The following SUMF1 variants were observed in gnomAD, a reference collection of about 807,000 sequenced individuals.
SUMF1 encodes the protein sulfatase modifying factor 1.
In SUMF1, 48 loss-of-function variants were observed where a neutral mutation model predicts 47.6. That is an observed-to-expected ratio of 1.01 (90% CI 0.80 to 1.28). SUMF1 has a LOEUF of 1.28. Among genes scored for constraint, SUMF1 ranks in the 50% most tolerant of loss-of-function variants. The pLI is 0.00. For synonymous variants in SUMF1, 230 were observed against 192.1 expected, an observed-to-expected ratio of 1.20 and a Z score of -1.63; for missense variants, 571 against 485.4, an observed-to-expected ratio of 1.18 and a Z score of -1.66.
At chr3:4,420,011 G>T (rs1701838352) in intron 4 of SUMF1, 53 bp downstream of exon 4, 2 of 1,453,444 alleles carry the variant, frequency 1.4e-6, no homozygotes, top group Non-Finnish European at 1.9e-6. Flanking sequence ...AGAGCAAAGG[G>T]TACCTATTTT....
intron 8 of SUMF1, among the ~76,000 whole-genome samples, chr3:4,179,230 C>T (rs1303989325): frequency 1.3e-5 from 2 of 152,136 alleles, no homozygotes; most frequent in Non-Finnish European, 2.9e-5. Flanking sequence ...ATTGCCAAGA[C>T]AAGCCTAAGC....
At chr3:4,388,319 C>G (rs1575163233) in intron 7 of SUMF1, among the ~76,000 whole-genome samples, 1 of 152,046 alleles carries the variant, frequency 6.6e-6, no homozygotes, top group South Asian at 2.1e-4. Flanking sequence ...ATACGTTCTT[C>G]CTCAACTCTG....
chr3:4,399,433 T>C (rs192569354), intron 7 of SUMF1, among the ~76,000 whole-genome samples: 2 of 152,308 alleles, frequency 1.3e-5, no homozygotes, highest in African/African-American at 4.8e-5. Flanking sequence ...GGGAAAACTC[T>C]TTATGAACAT....
At chr3:4,344,392 G>A (rs904594260) in intron 8 of SUMF1, among the ~76,000 whole-genome samples, 2 of 152,062 alleles carry the variant, frequency 1.3e-5, no homozygotes, top group Admixed American at 6.6e-5. Context: ...CAAATCAGAC[G>A]AATAAGGCCT....
At chr3:4,456,822 G>GTATATATACGTGTA (rs1575248753) in intron 1 of SUMF1, among the ~76,000 whole-genome samples, 1 of 9,898 alleles carries the variant, frequency 1.0e-4, no homozygotes, top group East Asian at 2.8e-3. Flanking sequence ...ACGTGTGTGT[G>GTATATATACGTGTA]TATATATACG....
Position 4,289,717 on chromosome 3 carries a change from G to C in SUMF1, c.1014+86613C>G, listed in dbSNP as rs573161951. 3.9e-5 allele frequency among the ~76,000 whole-genome samples: 6 copies of C among 152,168 alleles called. No individual in the cohort carries two copies. The South Asian group carries it at 8.3e-4, about 21-fold the overall frequency. ...TTTCTTTGTTGCTATCATCCAGAAG[G>C]GGTAAAGCATCTGGTTGTAGGGTTT... On this transcript the variant is annotated intron_variant and NMD_transcript_variant, in intron 8 of 12. Coordinates refer to the SUMF1 transcript ENST00000448413.
At position 4,106,031 on chromosome 3, in the gene SUMF1, T is replaced by C. The variant is rs192753207; in HGVS notation, c.1015-37286A>G. ...TTTTTTTTAACAGTTATGCAATAATTGGTCAAAATTGCTTTATCTGTTTGC... is the reference window on the plus strand; with the variant it reads ...TTTTTTTTAACAGTTATGCAATAATCGGTCAAAATTGCTTTATCTGTTTGC... On this transcript the variant is annotated intron_variant and NMD_transcript_variant, in intron 8 of 12. Transcript: ENST00000448413. Among the ~76,000 whole-genome samples, 358 of 152,082 alleles carry C rather than the reference T, an allele frequency of 2.4e-3. 7 individuals are homozygous for C. Among genetic ancestry groups the C allele is most frequent in the Admixed American group, 0.02 (306 of 15,264 alleles).
chr3:4,324,198 G>A (rs926376720), intron 8 of SUMF1, among the ~76,000 whole-genome samples: 2 of 151,904 alleles, frequency 1.3e-5, no homozygotes, highest in Admixed American at 6.6e-5. Context: ...GCAGAGTGAC[G>A]CTTTCTCAAA....
In SUMF1 at chr3:4,237,203, C is replaced by T. The variant is rs1235458029; in HGVS notation, c.1014+139127G>A. 2.6e-5 allele frequency among the ~76,000 whole-genome samples: 4 copies of T among 152,058 alleles called. No individual in the cohort carries two copies. The East Asian group carries it at 7.7e-4, about 29-fold the overall frequency. Reference sequence around the variant, plus strand: ...GTAAATCTAGTTTTACAAGAAGCTGCCAAACTGTTTTGCACAGTGGCTGTA... The same window carrying T: ...GTAAATCTAGTTTTACAAGAAGCTGTCAAACTGTTTTGCACAGTGGCTGTA... On this transcript the variant is annotated intron_variant and NMD_transcript_variant, in intron 8 of 12. Transcript: ENST00000448413.
intron 8 of SUMF1, among the ~76,000 whole-genome samples, chr3:4,125,579 T>C (rs1467438265): frequency 6.6e-6 from 1 of 152,232 alleles, no homozygotes; most frequent in African/African-American, 2.4e-5. Flanking sequence ...ATCACATTGC[T>C]TGCTGAAATC....
chr3:4,246,304 C>A (rs1435704257), intron 8 of SUMF1, among the ~76,000 whole-genome samples: 10 of 152,086 alleles, frequency 6.6e-5, no homozygotes, highest in Non-Finnish European at 1.3e-4. Context: ...GAACCAGGTA[C>A]CTCAGTTGGA....
At chr3:4,110,577 A>G (rs900068538) in intron 8 of SUMF1, among the ~76,000 whole-genome samples, 7 of 152,054 alleles carry the variant, frequency 4.6e-5, no homozygotes, top group African/African-American at 1.7e-4. Context: ...ACAATAACAA[A>G]GACTTGGAAC....
chr3:4,454,701 T>C (rs746023703), intron 1 of SUMF1, among the ~76,000 whole-genome samples: 1 of 152,226 alleles, frequency 6.6e-6, no homozygotes, highest in Non-Finnish European at 1.5e-5. Flanking sequence ...GATGAATAAG[T>C]AAACAAAATT....
chr3:4,060,083 T>A (rs538438674), intron 9 of SUMF1, among the ~76,000 whole-genome samples: 1 of 152,248 alleles, frequency 6.6e-6, no homozygotes, highest in East Asian at 1.9e-4. Flanking sequence ...AGAAAGACAT[T>A]TGAAGCAGAG....
chr3:4,156,467 A>G (rs989078823), intron 8 of SUMF1, among the ~76,000 whole-genome samples: 2 of 151,632 alleles, frequency 1.3e-5, no homozygotes, highest in Non-Finnish European at 2.9e-5. Flanking sequence ...TGTATAAAAC[A>G]GTATCCAATA....
At chr3:4,381,617 A>G (rs1044651599) in intron 7 of SUMF1, among the ~76,000 whole-genome samples, 1 of 152,266 alleles carries the variant, frequency 6.6e-6, no homozygotes, top group African/African-American at 2.4e-5. Flanking sequence ...TACTAAGAAA[A>G]TAACAGCATC....
At chr3:4,115,731 T>C (rs1330236444) in intron 8 of SUMF1, among the ~76,000 whole-genome samples, 1 of 152,194 alleles carries the variant, frequency 6.6e-6, no homozygotes, top group Non-Finnish European at 1.5e-5. Context: ...ATTATATTCT[T>C]TGCATGTTTG....
At chr3:4,067,014 T>A (rs1695394306) in intron 9 of SUMF1, among the ~76,000 whole-genome samples, 1 of 152,148 alleles carries the variant, frequency 6.6e-6, no homozygotes. Context: ...CGTTAGGGGA[T>A]AACCTCATTA....
intron 7 of SUMF1, among the ~76,000 whole-genome samples, chr3:4,406,189 T>C (rs577439168): frequency 2.6e-5 from 4 of 152,312 alleles, no homozygotes; most frequent in Admixed American, 2.0e-4. Flanking sequence ...GAAAGTGATA[T>C]AAAGTTTGCA....
Sources: gnomAD v4.1 joint callset for allele counts (sites outside exome capture counted in the v4.1 genomes callset) on GRCh38, gnomAD v4.1.1 for gene constraint, MANE v1.5 for transcripts, NCBI Gene and HGNC (gene_info 2026-07-23, HGNC 2026-07-21) for gene names.